The following CAMK1D variants were observed in gnomAD, a reference collection of about 807,000 sequenced individuals.
The protein encoded by CAMK1D is calcium/calmodulin-dependent protein kinase type 1D.
Under a neutral mutation model 47.7 loss-of-function variants are expected in CAMK1D, and 9 were observed. The observed-to-expected ratio is 0.19, with a 90% CI of 0.11 to 0.33. The LOEUF (loss-of-function observed/expected upper bound fraction) is 0.33, where lower values mean the gene tolerates loss of function less well. Among genes scored for constraint, CAMK1D ranks in the 10% least tolerant of loss-of-function variants. The probability of loss-of-function intolerance (pLI) is 1.00; values close to 1 mark genes in which losing one functional copy is unlikely to be tolerated. For synonymous variants in CAMK1D, 184 were observed against 184.9 expected, an observed-to-expected ratio of 0.99 and a Z score of 0.04; for missense variants, 291 against 488.7, an observed-to-expected ratio of 0.60 and a Z score of 3.81.
chr10:12,790,615 A>G (rs2482042), intron 5 of CAMK1D, among the ~76,000 whole-genome samples: 8,611 of 150,948 alleles, frequency 0.057, 818 homozygotes, highest in African/African-American at 0.2. Flanking sequence ...ACACACACGC[A>G]CACACACACT....
intron 3 of CAMK1D, among the ~76,000 whole-genome samples, chr10:12,714,205 C>T (rs1436363719): frequency 1.3e-5 from 2 of 151,968 alleles, no homozygotes; most frequent in African/African-American, 4.8e-5. Flanking sequence ...GCTGACCGAC[C>T]CCACCGTCAC....
chr10:12,647,088 A>G lies in CAMK1D; in HGVS notation c.225-19648A>G, dbSNP rs547436161. On this transcript the variant is annotated intron_variant, in intron 2 of 10. Transcript: ENST00000619168. ...GAACTCCTGACTTTGTGATCCGCCC[A>G]CCTCAGCCTCCCAAAGTGCTGGGAT... is the stretch of plus-strand genomic sequence containing the variant. 2.3e-4 allele frequency among the ~76,000 whole-genome samples: 31 copies of G among 133,666 alleles called. 1 individual carries two copies. In the South Asian group the frequency reaches 7.1e-3, roughly 30 times the overall value. 87.7% of individuals were successfully genotyped at this position (133,666 alleles called of 152,430 possible). A position where few individuals can be genotyped will look rare whatever the true frequency, so the allele number is the denominator to read the frequency against.
At chr10:12,469,978 C>T (rs1186790483) in intron 1 of CAMK1D, among the ~76,000 whole-genome samples, 1 of 152,084 alleles carries the variant, frequency 6.6e-6, no homozygotes, top group African/African-American at 2.4e-5. Flanking sequence ...GAATACCAGA[C>T]AGAAGGATAG....
chr10:12,449,527 T>C (rs1833019622), intron 1 of CAMK1D, among the ~76,000 whole-genome samples: 1 of 28,014 alleles, frequency 3.6e-5, no homozygotes, highest in Non-Finnish European at 1.1e-4. Flanking sequence ...TGGCAGTTGA[T>C]AGGTATGTTA....
intron 1 of CAMK1D, among the ~76,000 whole-genome samples, chr10:12,451,798 T>A (rs1221743771): frequency 6.6e-6 from 1 of 151,432 alleles, no homozygotes; most frequent in Non-Finnish European, 1.5e-5. Flanking sequence ...TGTTGGAGAG[T>A]GGGTCAGAGA....
Position 12,832,405 on chromosome 10 carries a change from A to C in CAMK1D, c.*3518A>C, listed in dbSNP as rs1434447928. On this transcript the variant is annotated 3_prime_UTR_variant, in exon 11 of 11. Coordinates refer to ENST00000619168, the MANE Select transcript of CAMK1D (RefSeq NM_153498.4). ...GAAGTGGTGCAGAGGCGCAGGGCAC[A>C]CCTAGGAGAAGCTCAATGACCACCA... 2 of 152,228 alleles carry C rather than the reference A, an allele frequency of 1.3e-5. No individual in the cohort carries two copies. The highest frequency in any genetic ancestry group is 2.9e-5 in the Non-Finnish European group (2 of 68,124). 9.4% of individuals were successfully genotyped at this position (152,228 alleles called of 1,614,324 possible).
At chr10:12,791,364 T>C in intron 6 of CAMK1D, 131 bp downstream of exon 6, 1 of 713,818 alleles carries the variant, frequency 1.4e-6, no homozygotes, top group Non-Finnish European at 2.4e-6. Context: ...TGTTTAAGGG[T>C]ACAGTTCAGT....
intron 2 of CAMK1D, among the ~76,000 whole-genome samples, chr10:12,589,701 G>A (rs1837939807): frequency 6.6e-6 from 1 of 152,106 alleles, no homozygotes; most frequent in African/African-American, 2.4e-5. Flanking sequence ...GATAGGGGTG[G>A]GCAGGGGGCA....
chr10:12,582,292 TTATAG>T (rs1452844304), intron 2 of CAMK1D, among the ~76,000 whole-genome samples: 1 of 152,198 alleles, frequency 6.6e-6, no homozygotes, highest in African/African-American at 2.4e-5. Context: ...GACTATGGCC[TTATAG>T]TATAGTTTGA....
chr10:12,383,525 C>T (rs775694571), intron 1 of CAMK1D, among the ~76,000 whole-genome samples: 7 of 152,148 alleles, frequency 4.6e-5, no homozygotes, highest in East Asian at 3.8e-4. Flanking sequence ...TTATTAAATA[C>T]GCCCATTTCA....
chr10:12,692,573 C>T (rs1256211560), intron 3 of CAMK1D, among the ~76,000 whole-genome samples: 1 of 152,030 alleles, frequency 6.6e-6, no homozygotes, highest in Non-Finnish European at 1.5e-5. Flanking sequence ...AAGCCATAAA[C>T]AATAATGTTG....
At chr10:12,795,637 G>A (rs74118617) in intron 6 of CAMK1D, among the ~76,000 whole-genome samples, 7,199 of 152,232 alleles carry the variant, frequency 0.047, 567 homozygotes, top group African/African-American at 0.16. Context: ...CAAAGTGGCC[G>A]TGACAAGCCG....
chr10:12,582,720 T>C (rs1272260105), intron 2 of CAMK1D, among the ~76,000 whole-genome samples: 1 of 152,240 alleles, frequency 6.6e-6, no homozygotes, highest in Non-Finnish European at 1.5e-5. Flanking sequence ...TACATTAATT[T>C]TGTATCCTGA....
intron 5 of CAMK1D, among the ~76,000 whole-genome samples, chr10:12,783,589 G>A (rs1452281679): frequency 6.6e-6 from 1 of 152,194 alleles, no homozygotes; most frequent in African/African-American, 2.4e-5. Flanking sequence ...CATGAAGATT[G>A]ATTACCACGA....
At chr10:12,474,268 G>A (rs1352132138) in intron 1 of CAMK1D, among the ~76,000 whole-genome samples, 3 of 145,192 alleles carry the variant, frequency 2.1e-5, no homozygotes, top group Admixed American at 7.2e-5. Flanking sequence ...GTGCAATCTC[G>A]GCTCACTGCA....
chr10:12,455,618 T>C (rs1316030352), intron 1 of CAMK1D, among the ~76,000 whole-genome samples: 3 of 152,254 alleles, frequency 2.0e-5, no homozygotes, highest in Non-Finnish European at 4.4e-5. Context: ...CATTGCTCTG[T>C]AATTCCATCA....
intron 1 of CAMK1D, among the ~76,000 whole-genome samples, chr10:12,550,004 G>A (rs1332308188): frequency 6.6e-6 from 1 of 152,190 alleles, no homozygotes; most frequent in Non-Finnish European, 1.5e-5. Flanking sequence ...CCTCTGCGTT[G>A]GCCGTGGTCA....
intron 3 of CAMK1D, among the ~76,000 whole-genome samples, chr10:12,694,015 A>T (rs1317812952): frequency 1.8e-4 from 13 of 70,694 alleles, no homozygotes; most frequent in Admixed American, 5.1e-4. Flanking sequence ...ATATATATTA[A>T]ATATATATAA....
chr10:12,711,815 T>G (rs1258105538), intron 3 of CAMK1D, among the ~76,000 whole-genome samples: 3 of 152,202 alleles, frequency 2.0e-5, no homozygotes, highest in Non-Finnish European at 4.4e-5. Context: ...GAAGGCAACA[T>G]TGACAGCAGT....
Sources: allele counts gnomAD v4.1 joint callset (sites outside exome capture counted in the v4.1 genomes callset), GRCh38; gene constraint gnomAD v4.1.1; transcripts MANE v1.5; gene names NCBI Gene and HGNC (gene_info 2026-07-23, HGNC 2026-07-21).